Variants in NAALADL2 observed in about 807,000 individuals in gnomAD.
NAALADL2 encodes inactive N-acetylated-alpha-linked acidic dipeptidase-like protein 2.
Under a neutral mutation model 87.2 loss-of-function variants are expected in NAALADL2, and 76 were observed. The ratio of observed to expected loss-of-function variants is 0.87; its 90% CI spans 0.72 to 1.05. The LOEUF (loss-of-function observed/expected upper bound fraction) is 1.05, where lower values mean the gene tolerates loss of function less well. Ranked by LOEUF, NAALADL2 falls within the 50% of genes least tolerant of loss-of-function variation. The pLI is 0.00. For missense variants in NAALADL2, 1,089 were observed against 945.8 expected, an observed-to-expected ratio of 1.15 and a Z score of -1.99; for synonymous variants, 354 against 331.0, an observed-to-expected ratio of 1.07 and a Z score of -0.75.
chr3:175,498,358 T>C (rs1729103247), intron 9 of NAALADL2, among the ~76,000 whole-genome samples: 1 of 152,082 alleles, frequency 6.6e-6, no homozygotes, highest in African/African-American at 2.4e-5. Context: ...AAAGTTTTGA[T>C]AGGAAGGCAA....
chr3:175,495,092 A>ATATTTTT lies in NAALADL2; in HGVS notation c.1653+23335_1653+23336insATTTTTT, dbSNP rs754412056. 1.6e-3 allele frequency among the ~76,000 whole-genome samples: 214 copies of ATATTTTT among 136,486 alleles called. 1 individual carries two copies. The highest frequency in any genetic ancestry group is 5.7e-3 in the African/African-American group (201 of 35,116). The allele number at this position is 136,486 out of a possible 152,430, so 89.5% of individuals were successfully genotyped here. A position where few individuals can be genotyped will look rare whatever the true frequency, so the allele number is the denominator to read the frequency against. ...CAATCCCATATATATATATATATATATTTTTTTTTAATTTTAGATTATTTC... is the reference window on the plus strand; with the variant it reads ...CAATCCCATATATATATATATATATATATTTTTTTTTTTTTTAATTTTAGATTATTTC... On this transcript the variant is annotated intron_variant, in intron 9 of 13. Coordinates refer to ENST00000454872, the MANE Select transcript of NAALADL2 (RefSeq NM_207015.3).
intron 2 of NAALADL2, among the ~76,000 whole-genome samples, chr3:174,606,711 G>C (rs1719108729): frequency 6.6e-6 from 1 of 152,204 alleles, no homozygotes. Flanking sequence ...ACCTGAAAGT[G>C]ATGGGGAGAA....
At chr3:174,481,385 A>G (rs1220203582) in intron 1 of NAALADL2, among the ~76,000 whole-genome samples, 4 of 152,094 alleles carry the variant, frequency 2.6e-5, no homozygotes, top group Admixed American at 2.0e-4. Context: ...GTTGTGTCAC[A>G]TATGGTTCTA....
At chr3:174,941,752 G>A (rs929557450) in intron 1 of NAALADL2, among the ~76,000 whole-genome samples, 2 of 121,480 alleles carry the variant, frequency 1.6e-5, no homozygotes, top group Admixed American at 8.1e-5. Flanking sequence ...ATTATATAAT[G>A]TACTTCTTTA....
chr3:175,075,153 A>G (rs973693976), intron 1 of NAALADL2, among the ~76,000 whole-genome samples: 2 of 152,078 alleles, frequency 1.3e-5, no homozygotes, highest in African/African-American at 4.8e-5. Context: ...AGAAAATTGA[A>G]TTTCAGAGTG....
intron 3 of NAALADL2, among the ~76,000 whole-genome samples, chr3:174,844,834 G>GTTTTTT (rs1560280732): frequency 1.3e-5 from 1 of 76,448 alleles, no homozygotes; most frequent in African/African-American, 6.5e-5. Flanking sequence ...TAGTTCTAAT[G>GTTTTTT]GTTTTTTTTT....
intron 10 of NAALADL2, among the ~76,000 whole-genome samples, chr3:175,582,057 G>A (rs147738166): frequency 1.1e-4 from 16 of 152,184 alleles, no homozygotes; most frequent in African/African-American, 2.9e-4. Flanking sequence ...TAGAAGAGAA[G>A]GTTAAACTCC....
Position 175,471,700 on chromosome 3 carries a change from G to A in NAALADL2, c.1595G>A (p.Arg532Lys), listed in dbSNP as rs770621881. The stretch of plus-strand genomic sequence containing the variant: ...TATATTAGCCTCCACAGTCCCATAA[G>A]GGGGAACTCTAGTCTGTATCCTGTA... ...VAYISLHSPI[R>K]GNSSLYPVAS... Residue 532 changes from arginine (R) to lysine (K), a missense_variant, in exon 9 of 14, where the codon AGG becomes AAG. Physicochemically the swap from Arg to Lys is conservative, Grantham distance 26 (BLOSUM62 2). Transcript: ENST00000454872. The A allele has an allele frequency of 6.2e-7, 1 of 1,601,504 alleles. No individual in the cohort carries two copies. The highest frequency in any genetic ancestry group is 8.5e-7 in the Non-Finnish European group (1 of 1,170,688).
chr3:174,927,440 C>G (rs1307514361), intron 1 of NAALADL2, among the ~76,000 whole-genome samples: 1 of 152,086 alleles, frequency 6.6e-6, no homozygotes, highest in Non-Finnish European at 1.5e-5. Flanking sequence ...TATTCCAAAA[C>G]TGACCACATA....
chr3:175,373,615 A>C (rs1002667617), intron 5 of NAALADL2, among the ~76,000 whole-genome samples: 1 of 152,220 alleles, frequency 6.6e-6, no homozygotes, highest in East Asian at 1.9e-4. Context: ...GAATCAAGGT[A>C]ATATGAATGT....
At chr3:175,525,954 C>T (rs984281109) in intron 9 of NAALADL2, among the ~76,000 whole-genome samples, 2 of 152,132 alleles carry the variant, frequency 1.3e-5, no homozygotes, top group Non-Finnish European at 2.9e-5. Context: ...AGCCAAGTTC[C>T]GTTGGGAAAG....
chr3:175,061,143 T>C (rs1274435499), intron 1 of NAALADL2, among the ~76,000 whole-genome samples: 3 of 152,070 alleles, frequency 2.0e-5, no homozygotes, highest in Non-Finnish European at 4.4e-5. Context: ...CTTAAAAAAA[T>C]TGGAATATGA....
chr3:174,849,725 A>T lies in NAALADL2; in HGVS notation c.-9+111979A>T, dbSNP rs546643934. Among the ~76,000 whole-genome samples the T allele has an allele frequency of 4.1e-3, 508 of 124,840 alleles. 3 individuals carry two copies. Among genetic ancestry groups the T allele is most frequent in the Middle Eastern group, 0.021 (5 of 238 alleles). 81.9% of individuals were successfully genotyped at this position (124,840 alleles called of 152,430 possible). A position where few individuals can be genotyped will look rare whatever the true frequency, so the allele number is the denominator to read the frequency against. On this transcript the variant is annotated intron_variant, in intron 3 of 3. Transcript: ENST00000434257. ...ACTCCAGCCTGGGTGACAGAGCGAG[A>T]CTCTGACTCAAAAAAAAAAAAAAAA...
intron 5 of NAALADL2, among the ~76,000 whole-genome samples, chr3:175,366,642 C>T (rs1178797225): frequency 6.6e-5 from 10 of 151,670 alleles, no homozygotes; most frequent in South Asian, 2.1e-4. Flanking sequence ...TGTCTGTTGG[C>T]TGCATAAATG....
chr3:174,654,060 TTGTGTGTGTGTGTGTG>T (rs137877260), intron 2 of NAALADL2, among the ~76,000 whole-genome samples: 11 of 144,068 alleles, frequency 7.6e-5, no homozygotes, highest in Admixed American at 2.8e-4. Flanking sequence ...TAAGATGGCT[TTGTGTGTGTGTGTGTG>T]TGTGTGTGTG....
At chr3:175,134,578 A>C (rs1476694886) in intron 2 of NAALADL2, among the ~76,000 whole-genome samples, 1 of 152,214 alleles carries the variant, frequency 6.6e-6, no homozygotes, top group African/African-American at 2.4e-5. Context: ...TTCTCAATAT[A>C]TAGCATGAAA....
chr3:175,224,314 T>C (rs1743844760), intron 2 of NAALADL2, among the ~76,000 whole-genome samples: 4 of 152,044 alleles, frequency 2.6e-5, no homozygotes, highest in Non-Finnish European at 5.9e-5. Flanking sequence ...CAGGATATGA[T>C]AAGGAAGTCA....
At chr3:175,430,034 C>T (rs1487184628) in intron 5 of NAALADL2, among the ~76,000 whole-genome samples, 1 of 151,778 alleles carries the variant, frequency 6.6e-6, no homozygotes, top group African/African-American at 2.4e-5. Context: ...AGCTTAACTT[C>T]AATGTTCTTG....
Position 175,467,022 on chromosome 3 carries a change from T to C in NAALADL2, c.1371T>C (p.Ser457=). The change falls in exon 8 of 14, where the codon AGT becomes AGC. Residue 457 remains serine, a synonymous_variant. Transcript: ENST00000454872. ...IVGSHHHTAH[S]YNGQEWASST... is the part of the protein sequence containing the mutation. Reference sequence around the variant, plus strand: ...GCAGCCATCATCACACTGCACACAGTTATAATGGACAAGAATGGGCCAGTA... The same window carrying C: ...GCAGCCATCATCACACTGCACACAGCTATAATGGACAAGAATGGGCCAGTA... The C allele has an allele frequency of 6.2e-7, 1 of 1,613,854 alleles. No individual in the cohort carries two copies. Among genetic ancestry groups the C allele is most frequent in the Non-Finnish European group, 8.5e-7 (1 of 1,179,796 alleles).
Sources: allele counts gnomAD v4.1 joint callset (sites outside exome capture counted in the v4.1 genomes callset), GRCh38; gene constraint gnomAD v4.1.1; transcripts MANE v1.5; gene names NCBI Gene and HGNC (gene_info 2026-07-23, HGNC 2026-07-21).